Variants in HACD4 observed in about 807,000 individuals in gnomAD.
HACD4 encodes very-long-chain (3R)-3-hydroxyacyl-CoA dehydratase 4.
In HACD4, 35 loss-of-function variants were observed where a neutral mutation model predicts 33.3. The observed-to-expected ratio is 1.05, with a 90% confidence interval of 0.80 to 1.39. The LOEUF (loss-of-function observed/expected upper bound fraction) is 1.39. HACD4 is among the 40% of genes most tolerant of loss of function. The pLI, the probability that HACD4 is intolerant of heterozygous loss-of-function variation, is 0.00. For missense variants in HACD4, 323 were observed against 276.5 expected, an observed-to-expected ratio of 1.17 and a Z score of -1.19; for synonymous variants, 118 against 98.0, an observed-to-expected ratio of 1.20 and a Z score of -1.21.
chr9:21,018,785 T>A (rs1817824313), intron 3 of HACD4, among the ~76,000 whole-genome samples: 1 of 150,298 alleles, frequency 6.7e-6, no homozygotes, highest in South Asian at 2.1e-4. Flanking sequence ...CTCAAAAGTG[T>A]GATAACTATA....
intron 3 of HACD4, among the ~76,000 whole-genome samples, chr9:21,025,070 C>T (rs747253724): frequency 2.8e-4 from 42 of 152,192 alleles, no homozygotes; most frequent in African/African-American, 7.0e-4. Context: ...TCTGTATCCC[C>T]GTTTATTTTG....
At chr9:21,009,559 C>A (rs142381594) in intron 5 of HACD4, among the ~76,000 whole-genome samples, 1 of 152,072 alleles carries the variant, frequency 6.6e-6, no homozygotes, top group African/African-American at 2.4e-5. Context: ...TTTTAATTGG[C>A]AAATCATAAT....
chr9:21,031,551 A>G lies in HACD4; in HGVS notation c.38+2T>C. On this transcript the variant is annotated splice_donor_variant, in intron 1 of 6. Coordinates refer to ENST00000495827, the MANE Select transcript of HACD4 (RefSeq NM_001010915.5). LOFTEE classifies it high-confidence loss of function. Reference sequence around the variant, plus strand: ...CCCTCGGGATTCGGCCGAGCGCCCTACCTGGGCTGCAGCCAGGCGGGCAGC... The same window carrying G: ...CCCTCGGGATTCGGCCGAGCGCCCTGCCTGGGCTGCAGCCAGGCGGGCAGC... 1 of 1,460,436 alleles carries G rather than the reference A, an allele frequency of 6.8e-7. No individual in the cohort carries two copies. Among genetic ancestry groups the G allele is most frequent in the African/African-American group, 1.5e-5 (1 of 67,776 alleles). 90.5% of individuals were successfully genotyped at this position (1,460,436 alleles called of 1,614,324 possible).
chr9:21,020,865 G>T lies in HACD4; in HGVS notation c.271-4855C>A, dbSNP rs986513080. 2.0e-5 allele frequency among the ~76,000 whole-genome samples: 3 copies of T among 152,128 alleles called. No individual in the cohort carries two copies. The East Asian group carries it at 5.8e-4, about 29-fold the overall frequency. ...AAAATAAAATATATGTCAGTCAAAT[G>T]ATTATTGTCTTTTAGTCAATGGGTT... On this transcript the variant is annotated intron_variant, in intron 3 of 6. Coordinates refer to ENST00000495827, the MANE Select transcript of HACD4 (RefSeq NM_001010915.5).
chr9:21,023,265 A>T (rs1216973953), intron 3 of HACD4, among the ~76,000 whole-genome samples: 3 of 151,992 alleles, frequency 2.0e-5, no homozygotes, highest in Non-Finnish European at 4.4e-5. Flanking sequence ...TATACCTAAT[A>T]TAAATGACGA....
At chr9:21,019,659 A>G (rs1245070243) in intron 3 of HACD4, among the ~76,000 whole-genome samples, 1 of 152,116 alleles carries the variant, frequency 6.6e-6, no homozygotes, top group Admixed American at 6.6e-5. Context: ...CTTTATACTT[A>G]TCACACATGG....
Position 21,007,080 on chromosome 9 carries a change from C to G in HACD4, c.656G>C (p.Arg219Thr), listed in dbSNP as rs1034506906. The stretch of plus-strand genomic sequence containing the variant: ...AATGGGAAAGATTCCGAGGATGTCT[C>G]TTCTTTCTGAGTATAGATGACTGTA... ...FTYSHLYSERRDILGIFPIKK... is the reference protein window; with the variant it reads ...FTYSHLYSERTDILGIFPIKK... The change falls in exon 7 of 7, where the codon AGA becomes ACA. Residue 219 changes from arginine to threonine, a missense_variant. Arg to Thr is a moderately conservative substitution (Grantham distance 71, BLOSUM62 -1). Coordinates refer to ENST00000495827, the MANE Select transcript of HACD4 (RefSeq NM_001010915.5). 6 of 1,589,618 alleles carry G rather than the reference C, an allele frequency of 3.8e-6. No individual in the cohort carries two copies. Among genetic ancestry groups the G allele is most frequent in the Non-Finnish European group, 5.2e-6 (6 of 1,157,866 alleles).
intron 5 of HACD4, among the ~76,000 whole-genome samples, chr9:21,010,878 G>A (rs1291504281): frequency 1.3e-5 from 2 of 152,094 alleles, no homozygotes; most frequent in Non-Finnish European, 2.9e-5. Flanking sequence ...TCACAACAGG[G>A]TTTGTGCTCC....
intron 3 of HACD4, among the ~76,000 whole-genome samples, chr9:21,024,484 G>A (rs529663594): frequency 2.0e-4 from 31 of 152,274 alleles, no homozygotes; most frequent in Non-Finnish European, 4.0e-4. Context: ...TTGGTTCTTT[G>A]ATTACAGTTA....
At chr9:21,010,173 C>G (rs1842378134) in intron 5 of HACD4, among the ~76,000 whole-genome samples, 1 of 152,122 alleles carries the variant, frequency 6.6e-6, no homozygotes, top group African/African-American at 2.4e-5. Flanking sequence ...CCTTAACATG[C>G]TTTCTTATTT....
chr9:21,029,895 C>T (rs1211097812), intron 1 of HACD4, among the ~76,000 whole-genome samples: 1 of 152,194 alleles, frequency 6.6e-6, no homozygotes, highest in Non-Finnish European at 1.5e-5. Context: ...GATATCATAC[C>T]TGCACATCGC....
chr9:21,010,179 T>C (rs535532607), intron 5 of HACD4, among the ~76,000 whole-genome samples: 25 of 152,222 alleles, frequency 1.6e-4, no homozygotes, highest in Non-Finnish European at 2.8e-4. Flanking sequence ...CATGCTTTCT[T>C]ATTTTATGTC....
chr9:21,014,065 A>G (rs950629027), intron 4 of HACD4, among the ~76,000 whole-genome samples: 2 of 152,116 alleles, frequency 1.3e-5, no homozygotes, highest in Admixed American at 1.3e-4. Flanking sequence ...TCATGTTAGT[A>G]TGGATTTTTC....
chr9:21,027,658 G>C (rs1818097171), intron 2 of HACD4, among the ~76,000 whole-genome samples: 1 of 152,332 alleles, frequency 6.6e-6, no homozygotes, highest in African/African-American at 2.4e-5. Flanking sequence ...AAGGAAGAAG[G>C]TAGCAGGTAT....
At position 21,007,878 on chromosome 9, in the gene HACD4, T is replaced by C. The variant is rs557300223; in HGVS notation, c.616+143A>G. On this transcript the variant is annotated intron_variant, in intron 6 of 6. Coordinates refer to ENST00000495827, the MANE Select transcript of HACD4 (RefSeq NM_001010915.5). ...AAAAAGCATTATAACCTCCAGGGGC[T>C]TTACTAGCAAGATCTAGTTCATGAT... 9.4e-4 allele frequency: 585 copies of C among 621,386 alleles called. 8 individuals carry two copies. The highest frequency in any genetic ancestry group is 2.8e-3 in the Middle Eastern group (6 of 2,124). 38.5% of individuals were successfully genotyped at this position (621,386 alleles called of 1,614,324 possible). A position where few individuals can be genotyped will look rare whatever the true frequency, so the allele number is the denominator to read the frequency against.
At chr9:21,009,933 T>G (rs1842371535) in intron 5 of HACD4, among the ~76,000 whole-genome samples, 1 of 152,192 alleles carries the variant, frequency 6.6e-6, no homozygotes, top group South Asian at 2.1e-4. Context: ...CAATTATTCT[T>G]TAGATCCACT....
rs570334385 is a variant in HACD4 at position 21,010,970 on chromosome 9, A to G, written c.490+619T>C. On this transcript the variant is annotated intron_variant, in intron 5 of 6. Transcript: ENST00000495827. The stretch of plus-strand genomic sequence containing the variant: ...TGGGCAATGGTGAGTGGCTATAAAT[A>G]CAGATGAAGCTTCACCTGCTAGCCT... 2.6e-5 allele frequency among the ~76,000 whole-genome samples: 4 copies of G among 152,280 alleles called. No individual in the cohort carries two copies. The South Asian group carries it at 8.3e-4, about 32-fold the overall frequency.
At chr9:21,028,248 T>C (rs1818116478) in intron 2 of HACD4, among the ~76,000 whole-genome samples, 1 of 152,074 alleles carries the variant, frequency 6.6e-6, no homozygotes, top group African/African-American at 2.4e-5. Flanking sequence ...CATAAGCCAG[T>C]CCATGGCTTG....
chr9:21,022,359 A>G (rs12344769), intron 3 of HACD4, among the ~76,000 whole-genome samples: 33,008 of 152,158 alleles, frequency 0.22, 4,078 homozygotes, highest in Middle Eastern at 0.32. Context: ...TGGCAACAAA[A>G]GCCAAAATTG....
Sources: allele counts gnomAD v4.1 joint callset (sites outside exome capture counted in the v4.1 genomes callset), GRCh38; gene constraint gnomAD v4.1.1; transcripts MANE v1.5; gene names NCBI Gene and HGNC (gene_info 2026-07-23, HGNC 2026-07-21).